Variants in ATP10A observed in about 807,000 individuals in gnomAD.
ATP10A encodes the protein ATPase phospholipid transporting 10A (putative), also known as phospholipid-transporting ATPase VA.
ATP10A carries 111 observed loss-of-function variants against 147.8 expected under a neutral mutation model. That is an observed-to-expected ratio of 0.75 (90% CI 0.64 to 0.88). The LOEUF (loss-of-function observed/expected upper bound fraction) is 0.88, where lower values mean the gene tolerates loss of function less well. Among genes scored for constraint, ATP10A ranks in the 40% least tolerant of loss-of-function variants. The probability of loss-of-function intolerance (pLI) is 0.00; values close to 1 mark genes in which losing one functional copy is unlikely to be tolerated. For missense variants in ATP10A, 1,927 were observed against 1,959.0 expected (o/e 0.98, Z 0.31); for synonymous variants, 875 against 841.6 (o/e 1.04, Z -0.69).
chr15:25,714,539 G>C (rs1033331527), intron 9 of ATP10A, among the ~76,000 whole-genome samples: 1 of 152,016 alleles, frequency 6.6e-6, no homozygotes, highest in Non-Finnish European at 1.5e-5. Context: ...GAGATCGTCC[G>C]CTGGCCTCTT....
intron 2 of ATP10A, among the ~76,000 whole-genome samples, chr15:25,749,773 A>G (rs1426087540): frequency 1.3e-5 from 2 of 152,228 alleles, no homozygotes; most frequent in Non-Finnish European, 2.9e-5. Context: ...AAGTAGGGAC[A>G]TGGAAGGTAA....
chr15:25,700,257 A>G (rs1279487100), intron 13 of ATP10A, among the ~76,000 whole-genome samples: 1 of 152,250 alleles, frequency 6.6e-6, no homozygotes, highest in African/African-American at 2.4e-5. Flanking sequence ...AAAGACACTG[A>G]GCAAAGTAAT....
chr15:25,818,042 C>A (rs574793081), intron 1 of ATP10A, among the ~76,000 whole-genome samples: 6 of 151,928 alleles, frequency 3.9e-5, no homozygotes, highest in African/African-American at 1.4e-4. Flanking sequence ...CTATACAATC[C>A]CCCCACTGCT....
At chr15:25,708,337 T>C (rs375404574) in intron 10 of ATP10A, 37 bp from the exon 11 acceptor site, 4 of 1,573,150 alleles carry the variant, frequency 2.5e-6, no homozygotes, top group Non-Finnish European at 3.5e-6. Context: ...GGGTAAGAAC[T>C]GGCGCCTGTG....
At chr15:25,721,932 G>A in intron 6 of ATP10A, 23 bp from the exon 7 acceptor site, 2 of 1,605,588 alleles carry the variant, frequency 1.2e-6, no homozygotes, top group Non-Finnish European at 1.7e-6. Context: ...AGGCACACAG[G>A]ATGAATGACC....
chr15:25,723,822 A>G (rs1286990599), intron 6 of ATP10A, 69 bp downstream of exon 6: 3 of 1,337,918 alleles, frequency 2.2e-6, no homozygotes, highest in Non-Finnish European at 3.0e-6. Context: ...AATTCTGAAC[A>G]GAGTATGATG....
rs1209432060 is a variant in ATP10A, at chr15:25,679,006, T to C, written c.*335A>G. ...ACCTGCCTGCATTAACCATGAGCAG[T>C]CACACATTTGTACTCAGTGCGCAGT... On this transcript the variant is annotated 3_prime_UTR_variant, in exon 21 of 21. Coordinates refer to ENST00000555815, the MANE Select transcript of ATP10A (RefSeq NM_024490.4). 6.5e-6 allele frequency: 1 copy of C among 153,608 alleles called. No individual in the cohort carries two copies. The highest frequency in any genetic ancestry group is 2.4e-5 in the African/African-American group (1 of 41,486). 9.5% of individuals were successfully genotyped at this position (153,608 alleles called of 1,614,324 possible). A position where few individuals can be genotyped will look rare whatever the true frequency, so the allele number is the denominator to read the frequency against.
At chr15:25,746,542 T>G (rs1202961065) in intron 2 of ATP10A, among the ~76,000 whole-genome samples, 1 of 152,192 alleles carries the variant, frequency 6.6e-6, no homozygotes, top group African/African-American at 2.4e-5. Flanking sequence ...AACACAGTTT[T>G]TCAAGTACTC....
At chr15:25,681,807 A>C (rs1899424806) in intron 17 of ATP10A, among the ~76,000 whole-genome samples, 1 of 152,178 alleles carries the variant, frequency 6.6e-6, no homozygotes, top group Non-Finnish European at 1.5e-5. Context: ...TAATCCCAGC[A>C]CTTTGGGATG....
Position 25,781,071 on chromosome 15 carries a change from T to C in ATP10A, c.602A>G (p.Asp201Gly). The C allele has an allele frequency of 6.2e-7, 1 of 1,614,116 alleles. No individual in the cohort carries two copies. Among genetic ancestry groups the C allele is most frequent in the African/African-American group, 1.3e-5 (1 of 75,030 alleles). ...GLCHIETANL[D>G]GETNLKRRQV... is the part of the protein sequence containing the mutation. ...CCGCCGCTTCAGGTTGGTCTCTCCA[T>C]CCAGGTTGGCGGTCTCGATGTGGCA... The change falls in exon 2 of 21, where the codon GAT becomes GGT. Residue 201 changes from aspartate (D) to glycine (G), a missense_variant. By Grantham distance (94) the Asp-to-Gly change is moderately conservative. Transcript: ENST00000555815.
downstream of ATP10A, among the ~76,000 whole-genome samples, chr15:25,675,828 C>T (rs1397359523): frequency 6.6e-6 from 1 of 152,098 alleles, no homozygotes; most frequent in Non-Finnish European, 1.5e-5. Context: ...TGCCTATAGT[C>T]CCAGCTACTT....
chr15:25,710,621 C>T (rs1163477089), intron 10 of ATP10A: 1 of 152,154 alleles, frequency 6.6e-6, no homozygotes, highest in African/African-American at 2.4e-5. Context: ...GCTTTACAAG[C>T]GATATTTCCC....
intron 2 of ATP10A, among the ~76,000 whole-genome samples, chr15:25,770,294 G>A (rs1889269142): frequency 6.6e-6 from 1 of 152,166 alleles, no homozygotes; most frequent in South Asian, 2.1e-4. Context: ...CAATCAGCCT[G>A]AGCAGCGACA....
intron 12 of ATP10A, among the ~76,000 whole-genome samples, chr15:25,702,752 G>A (rs1029683333): frequency 6.6e-6 from 1 of 150,920 alleles, no homozygotes; most frequent in African/African-American, 2.4e-5. Context: ...GCCTGCCTCA[G>A]ATTTTTTTTT....
chr15:25,730,771 A>G (rs1002654225), intron 3 of ATP10A, among the ~76,000 whole-genome samples: 2 of 152,204 alleles, frequency 1.3e-5, no homozygotes, highest in Non-Finnish European at 2.9e-5. Flanking sequence ...TTGTATAAAT[A>G]ATAAATAAAA....
chr15:25,806,564 A>G (rs1274777869), intron 1 of ATP10A, among the ~76,000 whole-genome samples: 2 of 152,116 alleles, frequency 1.3e-5, no homozygotes, highest in Non-Finnish European at 2.9e-5. Context: ...CGCCCGCCTC[A>G]GCCTCCCAAA....
chr15:25,681,120 T>G, intron 17 of ATP10A, 46 bp from the exon 18 acceptor site: 1 of 1,573,870 alleles, frequency 6.4e-7, no homozygotes. Context: ...AGCATTGGCA[T>G]CCTCTGTGAA....
At chr15:25,826,325 C>T (rs1246750188) in intron 1 of ATP10A, among the ~76,000 whole-genome samples, 1 of 152,080 alleles carries the variant, frequency 6.6e-6, no homozygotes, top group Non-Finnish European at 1.5e-5. Context: ...TTTGGGAGGC[C>T]TAGGTGGGTG....
chr15:25,815,729 G>A (rs1596943916), intron 1 of ATP10A, among the ~76,000 whole-genome samples: 2 of 130,808 alleles, frequency 1.5e-5, no homozygotes, highest in African/African-American at 2.8e-5. Flanking sequence ...CTTTTTCCAC[G>A]AAAATAAAAT....
Sources: gnomAD v4.1 joint callset for allele counts (sites outside exome capture counted in the v4.1 genomes callset) on GRCh38, gnomAD v4.1.1 for gene constraint, MANE v1.5 for transcripts, NCBI Gene and HGNC (gene_info 2026-07-23, HGNC 2026-07-21) for gene names.